The following PDZRN4 variants were observed in gnomAD, a reference collection of about 807,000 sequenced individuals.
The protein encoded by PDZRN4 is PDZ domain-containing RING finger protein 4.
A neutral mutation model predicts 99.0 loss-of-function variants in PDZRN4; 70 were observed. The ratio of observed to expected loss-of-function variants is 0.71; its 90% CI spans 0.58 to 0.86. The LOEUF (loss-of-function observed/expected upper bound fraction) is 0.86, where lower values mean the gene tolerates loss of function less well. PDZRN4 is among the 40% of genes least tolerant of loss of function. PDZRN4 has a pLI of 0.00. For synonymous variants in PDZRN4, 551 were observed against 501.6 expected (o/e 1.10, Z -1.32); for missense variants, 1,474 against 1,331.2 (o/e 1.11, Z -1.67).
intron 3 of PDZRN4, among the ~76,000 whole-genome samples, chr12:41,484,648 T>A (rs1017839581): frequency 1.3e-5 from 2 of 152,214 alleles, no homozygotes; most frequent in African/African-American, 4.8e-5. Flanking sequence ...CCATCTCACC[T>A]CATATAACCC....
chr12:41,544,868 T>A (rs1213839384), intron 5 of PDZRN4, among the ~76,000 whole-genome samples: 1 of 152,146 alleles, frequency 6.6e-6, no homozygotes. Context: ...CCAGGTCCCT[T>A]AGCTAGAATG....
At chr12:41,383,087 A>T (rs1214423996) in intron 3 of PDZRN4, among the ~76,000 whole-genome samples, 1 of 152,224 alleles carries the variant, frequency 6.6e-6, no homozygotes, top group Non-Finnish European at 1.5e-5. Context: ...TGAGCCTCAG[A>T]TATGACTGTT....
chr12:41,283,009 C>A (rs184419495), intron 3 of PDZRN4, among the ~76,000 whole-genome samples: 1 of 151,768 alleles, frequency 6.6e-6, no homozygotes, highest in Non-Finnish European at 1.5e-5. Flanking sequence ...CAGAAGGCAA[C>A]AAATAACTAA....
intron 3 of PDZRN4, among the ~76,000 whole-genome samples, chr12:41,282,437 C>T (rs954431444): frequency 3.3e-5 from 5 of 151,988 alleles, no homozygotes; most frequent in Non-Finnish European, 7.4e-5. Context: ...ATTTTAACAC[C>T]CCACTGTCAA....
chr12:41,493,524 T>C (rs1355885869), intron 3 of PDZRN4, among the ~76,000 whole-genome samples: 1 of 152,174 alleles, frequency 6.6e-6, no homozygotes, highest in Non-Finnish European at 1.5e-5. Context: ...GTTTGCTTGC[T>C]GAGGCAATCA....
chr12:41,518,869 T>G (rs901109858), intron 5 of PDZRN4, among the ~76,000 whole-genome samples: 1 of 151,896 alleles, frequency 6.6e-6, no homozygotes, highest in East Asian at 1.9e-4. Context: ...GGATTATTGA[T>G]CCCAGGAGTT....
chr12:41,307,534 T>C (rs942125348), intron 3 of PDZRN4, among the ~76,000 whole-genome samples: 19 of 151,950 alleles, frequency 1.3e-4, no homozygotes, highest in African/African-American at 4.8e-5. Flanking sequence ...GGCTTCAACA[T>C]AGGCATTTGA....
intron 3 of PDZRN4, among the ~76,000 whole-genome samples, chr12:41,205,243 G>A (rs572808706): frequency 5.3e-5 from 8 of 151,832 alleles, no homozygotes; most frequent in Non-Finnish European, 1.2e-4. Flanking sequence ...CAAACTGTTC[G>A]TGACCTAGCA....
At chr12:41,454,915 A>G (rs79384914) in intron 3 of PDZRN4, among the ~76,000 whole-genome samples, 1,782 of 152,364 alleles carry the variant, frequency 0.012, 36 homozygotes, top group African/African-American at 0.041. Flanking sequence ...CACTAGCCAC[A>G]TAGGACTGTT....
chr12:41,314,579 T>G (rs1300251477), intron 3 of PDZRN4, among the ~76,000 whole-genome samples: 1 of 152,116 alleles, frequency 6.6e-6, no homozygotes, highest in Non-Finnish European at 1.5e-5. Context: ...GTAGAAATAT[T>G]CCAAAAGGAA....
intron 3 of PDZRN4, among the ~76,000 whole-genome samples, chr12:41,473,750 A>T (rs780259906): frequency 1.6e-4 from 24 of 152,078 alleles, no homozygotes; most frequent in Non-Finnish European, 3.2e-4. Context: ...CTTTGTCTCT[A>T]CCTCTTATAT....
chr12:41,288,078 C>T (rs534080561), intron 3 of PDZRN4, among the ~76,000 whole-genome samples: 1 of 152,086 alleles, frequency 6.6e-6, no homozygotes, highest in Non-Finnish European at 1.5e-5. Flanking sequence ...CAATATGTTA[C>T]AAATTGAAAT....
chr12:41,506,433 A>C, intron 3 of PDZRN4, 23 bp from the exon 4 acceptor site: 1 of 1,583,280 alleles, frequency 6.3e-7, no homozygotes, highest in Non-Finnish European at 8.6e-7. Flanking sequence ...TCTGAGATGA[A>C]CAATGTCCTT....
At chr12:41,255,044 C>A (rs1951194661) in intron 3 of PDZRN4, among the ~76,000 whole-genome samples, 2 of 152,056 alleles carry the variant, frequency 1.3e-5, no homozygotes, top group African/African-American at 4.8e-5. Flanking sequence ...AACTGCCCTC[C>A]AGCATAAAGA....
At chr12:41,379,545 T>G (rs1286897890) in intron 3 of PDZRN4, among the ~76,000 whole-genome samples, 1 of 151,850 alleles carries the variant, frequency 6.6e-6, no homozygotes, top group Non-Finnish European at 1.5e-5. Context: ...ATTCCATAAA[T>G]GTCATTTTTT....
chr12:41,376,667 C>T (rs1186820705), intron 3 of PDZRN4, among the ~76,000 whole-genome samples: 1 of 152,010 alleles, frequency 6.6e-6, no homozygotes, highest in African/African-American at 2.4e-5. Context: ...TATTCTCTAC[C>T]ATTCCATTGG....
intron 3 of PDZRN4, among the ~76,000 whole-genome samples, chr12:41,479,520 G>T (rs11180944): frequency 3.8e-4 from 58 of 152,112 alleles, no homozygotes; most frequent in Non-Finnish European, 4.9e-4. Context: ...AGAAGAAATC[G>T]TTTAAATTGA....
intron 3 of PDZRN4, among the ~76,000 whole-genome samples, chr12:41,453,763 T>C (rs958286184): frequency 6.6e-6 from 1 of 152,010 alleles, no homozygotes; most frequent in Non-Finnish European, 1.5e-5. Flanking sequence ...CGATTGATTA[T>C]TTCTCTGAAA....
At chr12:41,487,333 C>G (rs1937797137) in intron 3 of PDZRN4, among the ~76,000 whole-genome samples, 1 of 151,970 alleles carries the variant, frequency 6.6e-6, no homozygotes, top group Admixed American at 6.6e-5. Context: ...AAAATATTTC[C>G]TAATTTTCCA....
Sources: allele counts gnomAD v4.1 joint callset (sites outside exome capture counted in the v4.1 genomes callset), GRCh38; gene constraint gnomAD v4.1.1; transcripts MANE v1.5; gene names NCBI Gene and HGNC (gene_info 2026-07-23, HGNC 2026-07-21).